The following DAB1 variants were observed in gnomAD, a reference collection of about 807,000 sequenced individuals.
The protein encoded by DAB1 is disabled homolog 1.
DAB1 carries 15 observed loss-of-function variants against 64.6 expected under a neutral mutation model. The observed-to-expected ratio is 0.23, with a 90% CI of 0.16 to 0.36. The LOEUF (loss-of-function observed/expected upper bound fraction) is 0.36, where lower values mean the gene tolerates loss of function less well. Ranked by LOEUF, DAB1 falls within the 10% of genes least tolerant of loss-of-function variation. The pLI, the probability that DAB1 is intolerant of heterozygous loss-of-function variation, is 1.00. For synonymous variants in DAB1, 235 were observed against 251.9 expected, an observed-to-expected ratio of 0.93 and a Z score of 0.64; for missense variants, 596 against 706.7, an observed-to-expected ratio of 0.84 and a Z score of 1.78.
At chr1:57,421,829 C>A (rs147324320) in intron 1 of DAB1, among the ~76,000 whole-genome samples, 174 of 147,558 alleles carry the variant, frequency 1.2e-3, no homozygotes, top group African/African-American at 4.1e-3. Flanking sequence ...TCAAGAAAAT[C>A]TTTGATCACT....
chr1:58,090,995 C>G lies in DAB1; in HGVS notation n.387+59516G>C, dbSNP rs144711766. ...TAACCCCCTGCTTCTCCCAAAAGTG[C>G]TCCTCCTCCACATCTCACACTCTGT... On this transcript the variant is annotated intron_variant and non_coding_transcript_variant, in intron 5 of 20. Coordinates refer to the DAB1 transcript ENST00000485760. 5.1e-4 allele frequency among the ~76,000 whole-genome samples: 77 copies of G among 152,300 alleles called. 3 individuals carry two copies. The East Asian group carries it at 9.1e-3, about 18-fold the overall frequency.
chr1:57,615,483 C>G (rs1308405115), intron 7 of DAB1, among the ~76,000 whole-genome samples: 2 of 152,160 alleles, frequency 1.3e-5, no homozygotes, highest in African/African-American at 4.8e-5. Flanking sequence ...ACTGCCAAAT[C>G]CACCCTAGGA....
intron 4 of DAB1, among the ~76,000 whole-genome samples, chr1:57,108,344 G>C (rs1655356422): frequency 6.6e-6 from 1 of 152,124 alleles, no homozygotes; most frequent in African/African-American, 2.4e-5. Flanking sequence ...TTCATTACCA[G>C]ATTACTGGCC....
intron 4 of DAB1, among the ~76,000 whole-genome samples, chr1:58,268,802 G>C (rs1191260484): frequency 6.6e-6 from 1 of 152,032 alleles, no homozygotes; most frequent in Non-Finnish European, 1.5e-5. Context: ...TCCCCAAATA[G>C]CCAAAACAAT....
intron 2 of DAB1, among the ~76,000 whole-genome samples, chr1:57,265,265 A>C (rs1409362574): frequency 6.6e-6 from 1 of 152,022 alleles, no homozygotes; most frequent in African/African-American, 2.4e-5. Context: ...CATGTTTCTC[A>C]TTTTTATGCG....
At chr1:58,129,146 G>A (rs1452406996) in intron 5 of DAB1, among the ~76,000 whole-genome samples, 1 of 151,010 alleles carries the variant, frequency 6.6e-6, no homozygotes, top group African/African-American at 2.4e-5. Flanking sequence ...CCTGTTATTG[G>A]TCTATTCAGG....
chr1:57,404,809 T>C (rs1683505028), intron 1 of DAB1, among the ~76,000 whole-genome samples: 1 of 152,210 alleles, frequency 6.6e-6, no homozygotes, highest in Non-Finnish European at 1.5e-5. Context: ...TTTCTCAAAG[T>C]ATATTGCTAG....
Position 57,166,847 on chromosome 1 carries a change from G to A in DAB1, c.68-21418C>T, listed in dbSNP as rs566331504. Among the ~76,000 whole-genome samples, 5 of 152,274 alleles carry A rather than the reference G, an allele frequency of 3.3e-5. No individual in the cohort carries two copies. In the South Asian group the frequency reaches 1.0e-3, roughly 32 times the overall value. ...TGAGCAGAAAAGAAACTCAAAGAGA[G>A]GCATCAGTTGTCCAAGTCAGACAGC... is the stretch of plus-strand genomic sequence containing the variant. On this transcript the variant is annotated intron_variant, in intron 2 of 14. Transcript: ENST00000371236.
intron 4 of DAB1, among the ~76,000 whole-genome samples, chr1:57,104,878 A>T (rs1185926653): frequency 6.6e-6 from 1 of 152,122 alleles, no homozygotes; most frequent in Admixed American, 6.5e-5. Flanking sequence ...GGACTTTGGG[A>T]TGCCAGCTCA....
intron 6 of DAB1, among the ~76,000 whole-genome samples, chr1:57,682,178 C>T (rs1199412530): frequency 6.6e-6 from 1 of 151,452 alleles, no homozygotes; most frequent in Non-Finnish European, 1.5e-5. Flanking sequence ...TTTAAAACAT[C>T]CAATTAGTTT....
At chr1:58,218,945 C>A (rs1658999486) in intron 4 of DAB1, among the ~76,000 whole-genome samples, 1 of 150,720 alleles carries the variant, frequency 6.6e-6, no homozygotes, top group African/African-American at 2.5e-5. Flanking sequence ...TATACACACT[C>A]TCCATGTGGT....
At chr1:57,332,163 C>T (rs753352347) in intron 1 of DAB1, among the ~76,000 whole-genome samples, 3 of 152,164 alleles carry the variant, frequency 2.0e-5, no homozygotes, top group Non-Finnish European at 2.9e-5. Flanking sequence ...AGGGTTTCAC[C>T]GTGTTGGCCA....
intron 2 of DAB1, among the ~76,000 whole-genome samples, chr1:57,155,028 G>A (rs1388475421): frequency 1.3e-5 from 2 of 152,146 alleles, no homozygotes; most frequent in Non-Finnish European, 2.9e-5. Flanking sequence ...TTAGCTTGAT[G>A]TGATCCCATT....
chr1:57,082,573 T>C (rs141444708), intron 4 of DAB1, among the ~76,000 whole-genome samples: 1 of 152,314 alleles, frequency 6.6e-6, no homozygotes, highest in African/African-American at 2.4e-5. Flanking sequence ...GTGCAGGACA[T>C]GCAGGTTTGT....
chr1:58,261,095 G>A (rs1419707577), intron 4 of DAB1, among the ~76,000 whole-genome samples: 1 of 151,976 alleles, frequency 6.6e-6, no homozygotes. Context: ...GATATTTGTG[G>A]GTATTTGTAT....
intron 4 of DAB1, among the ~76,000 whole-genome samples, chr1:57,103,556 T>A (rs903850850): frequency 6.6e-6 from 1 of 150,898 alleles, no homozygotes; most frequent in Non-Finnish European, 1.5e-5. Context: ...GTACTAGGAG[T>A]GTGGGGAAAG....
At chr1:57,360,515 G>T (rs1180073299) in intron 1 of DAB1, among the ~76,000 whole-genome samples, 1 of 152,072 alleles carries the variant, frequency 6.6e-6, no homozygotes, top group East Asian at 1.9e-4. Context: ...TCGCCAAAAG[G>T]AGTTTGTGTG....
chr1:58,405,971 C>G (rs1644612865), intron 3 of DAB1, among the ~76,000 whole-genome samples: 1 of 152,174 alleles, frequency 6.6e-6, no homozygotes, highest in Admixed American at 6.5e-5. Flanking sequence ...GCCTCAGGAA[C>G]AGTGTTTTTG....
intron 1 of DAB1, chr1:57,880,118 G>A (rs2101968916): frequency 7.0e-6 from 1 of 142,770 alleles, no homozygotes; most frequent in Non-Finnish European, 1.5e-5. Context: ...ACCCCCCCTA[G>A]TACCTTTGGC....
Sources: allele counts gnomAD v4.1 joint callset (sites outside exome capture counted in the v4.1 genomes callset), GRCh38; gene constraint gnomAD v4.1.1; transcripts MANE v1.5; gene names NCBI Gene and HGNC (gene_info 2026-07-23, HGNC 2026-07-21).